DIP2B: variants seen among roughly 807,000 people sequenced by gnomAD.
DIP2B encodes DIP2 acetate--CoA ligase B (putative).
In DIP2B, 76 loss-of-function variants were observed where a neutral mutation model predicts 198.0. The observed-to-expected ratio is 0.38, with a 90% CI of 0.32 to 0.46. The LOEUF (loss-of-function observed/expected upper bound fraction) is 0.46. Among genes scored for constraint, DIP2B ranks in the 20% least tolerant of loss-of-function variants. The probability of loss-of-function intolerance (pLI) is 0.99; values close to 1 mark genes in which losing one functional copy is unlikely to be tolerated. For missense variants in DIP2B, 1,559 were observed against 1,978.4 expected (o/e 0.79, Z 4.02); for synonymous variants, 701 against 739.1 (o/e 0.95, Z 0.84).
At chr12:50,658,095 A>G (rs1023715254) in intron 3 of DIP2B, among the ~76,000 whole-genome samples, 1 of 151,860 alleles carries the variant, frequency 6.6e-6, no homozygotes, top group Non-Finnish European at 1.5e-5. Flanking sequence ...TCAAAAAAAA[A>G]AAAAAAGAAA....
Position 50,543,944 on chromosome 12 carries a change from AG to A in DIP2B, c.100+38706del, listed in dbSNP as rs1340418458. Among the ~76,000 whole-genome samples, 22 of 146,586 alleles carry A rather than the reference AG, an allele frequency of 1.5e-4. No homozygotes were observed. The South Asian group carries it at 3.8e-3, about 25-fold the overall frequency. On this transcript the variant is annotated intron_variant, in intron 1 of 37. Transcript: ENST00000301180. ...GCCTTTAAAAAAAAAAAAAAAAAAA[AG>A]GAGGCTGGGCATGGTGGCTCACGCT...
intron 1 of DIP2B, among the ~76,000 whole-genome samples, chr12:50,622,927 T>TA (rs1315495313): frequency 6.6e-6 from 1 of 151,848 alleles, no homozygotes; most frequent in Non-Finnish European, 1.5e-5. Flanking sequence ...TTTTTTTTTT[T>TA]ACCCCATCTA....
At chr12:50,632,133 G>T (rs1180172211) in intron 2 of DIP2B, among the ~76,000 whole-genome samples, 3 of 151,970 alleles carry the variant, frequency 2.0e-5, no homozygotes, top group Admixed American at 2.0e-4. Flanking sequence ...ACCCTGCCTA[G>T]TTTGACTTTT....
intron 12 of DIP2B, among the ~76,000 whole-genome samples, chr12:50,690,099 T>A (rs1396729542): frequency 1.3e-5 from 2 of 151,724 alleles, no homozygotes; most frequent in Non-Finnish European, 2.9e-5. Context: ...TTTTTTTTTT[T>A]TTTTTGAGAC....
chr12:50,741,650 C>T (rs1940246403), intron 37 of DIP2B, 111 bp downstream of exon 37: 1 of 1,382,354 alleles, frequency 7.2e-7, no homozygotes, highest in Non-Finnish European at 9.8e-7. Context: ...CATAGAGCTC[C>T]ATGGGAGGAG....
At position 50,719,052 on chromosome 12, in the gene DIP2B, GGT is replaced by G; in HGVS notation, c.3042+18_3042+19del. On this transcript the variant is annotated intron_variant, in intron 25 of 37. Coordinates refer to ENST00000301180, the MANE Select transcript of DIP2B (RefSeq NM_173602.3). ...AATGCCAAGGTATTAAAAATTCAAT[GGT>G]ATATCTAATCAGCTGACTACTATAG... 6.2e-7 allele frequency: 1 copy of G among 1,612,598 alleles called. No homozygotes were observed. Among genetic ancestry groups the G allele is most frequent in the Non-Finnish European group, 8.5e-7 (1 of 1,179,228 alleles).
chr12:50,570,614 G>A (rs1398488276), intron 1 of DIP2B, among the ~76,000 whole-genome samples: 1 of 152,218 alleles, frequency 6.6e-6, no homozygotes, highest in African/African-American at 2.4e-5. Context: ...GAAGGCTGAG[G>A]CGAGAGAATC....
chr12:50,680,570 C>A, intron 8 of DIP2B, 102 bp from the exon 9 acceptor site: 1 of 1,027,174 alleles, frequency 9.7e-7, no homozygotes, highest in Non-Finnish European at 1.5e-6. Context: ...TTGGAAGTGG[C>A]CATTGTCTCA....
In DIP2B at chr12:50,588,770, G is replaced by T. The variant is rs143929143; in HGVS notation, c.101-37206G>T. On this transcript the variant is annotated intron_variant, in intron 1 of 37. Coordinates refer to ENST00000301180, the MANE Select transcript of DIP2B (RefSeq NM_173602.3). The stretch of plus-strand genomic sequence containing the variant: ...TTCTGTAGAACATTATAAATTTGGA[G>T]GATAGAGGTGGGGTTTGATGAAGTG... Among the ~76,000 whole-genome samples the T allele has an allele frequency of 9.6e-4, 146 of 152,286 alleles. 1 individual carries two copies. The highest frequency in any genetic ancestry group is 3.2e-3 in the African/African-American group (132 of 41,548).
intron 27 of DIP2B, 30 bp from the exon 28 acceptor site, chr12:50,724,745 G>A: frequency 3.1e-6 from 5 of 1,606,498 alleles, no homozygotes; most frequent in Non-Finnish European, 4.3e-6. Context: ...TGAGCCTCCT[G>A]ATGCTTATTG....
chr12:50,686,066 C>A (rs770352662), intron 11 of DIP2B, 110 bp downstream of exon 11: 3 of 1,122,998 alleles, frequency 2.7e-6, no homozygotes, highest in Non-Finnish European at 3.7e-6. Flanking sequence ...CTATTTAATT[C>A]TCATAGTCTT....
chr12:50,710,402 G>A (rs1404414332), intron 22 of DIP2B, among the ~76,000 whole-genome samples: 2 of 151,910 alleles, frequency 1.3e-5, no homozygotes, highest in South Asian at 2.1e-4. Context: ...ATGAGATGGT[G>A]GTATTGCTAG....
At chr12:50,643,653 A>C (rs1938300180) in intron 3 of DIP2B, among the ~76,000 whole-genome samples, 1 of 152,110 alleles carries the variant, frequency 6.6e-6, no homozygotes, top group Non-Finnish European at 1.5e-5. Flanking sequence ...TAAATAACGA[A>C]AGAAAGCTCA....
rs570928369 is a variant in DIP2B at position 50,536,704 on chromosome 12, A to G, written c.100+31464A>G. Among the ~76,000 whole-genome samples the G allele has an allele frequency of 2.0e-5, 3 of 151,654 alleles. No homozygotes were observed. In the East Asian group the frequency reaches 5.8e-4, roughly 29 times the overall value. On this transcript the variant is annotated intron_variant, in intron 1 of 37. Coordinates refer to ENST00000301180, the MANE Select transcript of DIP2B (RefSeq NM_173602.3). ...CACCTCAGCCTCTCGAGTAGCTGGG[A>G]CTACAGTTGCATGCCACCATGCCCA...
At chr12:50,628,901 C>T (rs1937988203) in intron 2 of DIP2B, among the ~76,000 whole-genome samples, 1 of 152,060 alleles carries the variant, frequency 6.6e-6, no homozygotes, top group African/African-American at 2.4e-5. Flanking sequence ...TTGTTTTGAG[C>T]AGGGTCTGGC....
chr12:50,738,450 C>T (rs995507398), intron 35 of DIP2B, among the ~76,000 whole-genome samples: 1 of 152,130 alleles, frequency 6.6e-6, no homozygotes, highest in African/African-American at 2.4e-5. Flanking sequence ...TTGAGGCCAA[C>T]TGGGCAACAT....
intron 1 of DIP2B, among the ~76,000 whole-genome samples, chr12:50,508,521 C>T (rs1957987068): frequency 6.6e-6 from 1 of 152,170 alleles, no homozygotes; most frequent in South Asian, 2.1e-4. Context: ...TTACCACCCA[C>T]CGCCCCTTTC....
chr12:50,705,046 C>CA (rs1398738917), intron 20 of DIP2B, among the ~76,000 whole-genome samples: 1 of 152,124 alleles, frequency 6.6e-6, no homozygotes, highest in African/African-American at 2.4e-5. Flanking sequence ...AGCCTGTTCT[C>CA]AAAGAGCTCA....
chr12:50,556,636 G>A (rs746810731), intron 1 of DIP2B, among the ~76,000 whole-genome samples: 68 of 149,928 alleles, frequency 4.5e-4, no homozygotes, highest in Non-Finnish European at 8.6e-4. Context: ...TCTGCCTCCC[G>A]GGTTCAAGCG....
Sources: allele counts gnomAD v4.1 joint callset (sites outside exome capture counted in the v4.1 genomes callset), GRCh38; gene constraint gnomAD v4.1.1; transcripts MANE v1.5; gene names NCBI Gene and HGNC (gene_info 2026-07-23, HGNC 2026-07-21).